TMEM63B: variants seen among roughly 807,000 people sequenced by gnomAD.
TMEM63B encodes transmembrane protein 63B.
A neutral mutation model predicts 102.6 loss-of-function variants in TMEM63B; 23 were observed. The observed-to-expected ratio is 0.22, with a 90% CI of 0.16 to 0.32. The LOEUF is 0.32. Among genes scored for constraint, TMEM63B ranks in the 10% least tolerant of loss-of-function variants. TMEM63B has a pLI of 1.00. For missense variants in TMEM63B, 628 were observed against 1,095.9 expected (o/e 0.57, Z 6.03); for synonymous variants, 444 against 437.0 (o/e 1.02, Z -0.20).
chr6:44,154,757 C>T lies in TMEM63B; in HGVS notation c.2373C>T (p.Ser791=), dbSNP rs1170913512. Residue 791 remains serine (S), a synonymous_variant, in exon 24 of 24, where the codon AGC becomes AGT. Coordinates refer to ENST00000323267, the MANE Select transcript of TMEM63B (RefSeq NM_018426.3). ...GGGATGGGGATGGGGCTCCTGGGAG[C>T]TCAGGGGATGAGCCCCCATCATCCT... The part of the protein sequence containing the change: ...VDGDGDGAPG[S]SGDEPPSSSS... The T allele has an allele frequency of 1.2e-6, 2 of 1,604,684 alleles. No individual in the cohort carries two copies. The highest frequency in any genetic ancestry group is 1.3e-5 in the African/African-American group (1 of 74,632).
chr6:44,138,176 GC>G (rs754842257), intron 5 of TMEM63B, among the ~76,000 whole-genome samples: 2 of 151,928 alleles, frequency 1.3e-5, no homozygotes, highest in Non-Finnish European at 2.9e-5. Context: ...AGAACCCCAA[GC>G]CCCACCCATC....
chr6:44,149,043 C>T (rs751480824), intron 15 of TMEM63B, 98 bp downstream of exon 15: 2 of 1,579,300 alleles, frequency 1.3e-6, no homozygotes, highest in Admixed American at 1.7e-5. Flanking sequence ...GCCCGTTCTG[C>T]TTGTTCCAAC....
rs191287272 is a variant in TMEM63B, at chr6:44,135,681, C to T, written c.278+315C>T. On this transcript the variant is annotated intron_variant, in intron 4 of 23. Coordinates refer to ENST00000323267, the MANE Select transcript of TMEM63B (RefSeq NM_018426.3). ...CTCCAGGAAATCCTCAGCACAATCACGTAGAGACAAGATTGGGTGTCACCA... is the reference window on the plus strand; with the variant it reads ...CTCCAGGAAATCCTCAGCACAATCATGTAGAGACAAGATTGGGTGTCACCA... Among the ~76,000 whole-genome samples, 23 of 152,294 alleles carry T rather than the reference C, an allele frequency of 1.5e-4. No individual in the cohort carries two copies. In the East Asian group the frequency reaches 1.5e-3, roughly 10 times the overall value.
chr6:44,144,054 A>G (rs181736465), intron 10 of TMEM63B, among the ~76,000 whole-genome samples: 2 of 152,352 alleles, frequency 1.3e-5, no homozygotes, highest in East Asian at 3.9e-4. Flanking sequence ...AGGTCAGCCT[A>G]TAAGCAGGGG....
chr6:44,126,857 T>TG (rs1562104943), upstream of TMEM63B: 1 of 152,202 alleles, frequency 6.6e-6, no homozygotes, highest in Non-Finnish European at 1.5e-5. Flanking sequence ...CCCCCTGGCC[T>TG]GGGGGAGGGC....
chr6:44,147,279 A>G, intron 11 of TMEM63B, 98 bp from the exon 12 acceptor site: 1 of 1,588,916 alleles, frequency 6.3e-7, no homozygotes, highest in Non-Finnish European at 8.6e-7. Context: ...CTAAACAAGA[A>G]CAAGACAGCT....
chr6:44,127,734 A>G (rs1383988778), intron 1 of TMEM63B, 56 bp downstream of exon 1: 1 of 145,906 alleles, frequency 6.9e-6, no homozygotes, highest in Admixed American at 6.8e-5. Flanking sequence ...TCCCACCACC[A>G]CCCAAAGAAA....
At position 44,150,140 on chromosome 6, in the gene TMEM63B, C is replaced by A; in HGVS notation, c.1521-84C>A. On this transcript the variant is annotated intron_variant, in intron 16 of 23. Coordinates refer to ENST00000323267, the MANE Select transcript of TMEM63B (RefSeq NM_018426.3). The surrounding 1 kb of genome is among the most constrained non-coding windows in gnomAD (Gnocchi z 4.7). The stretch of plus-strand genomic sequence containing the variant: ...AGGCCCACCCTTCCCAGGGGACACT[C>A]CTTGGACATTGTCCTTGTTGGGGGA... The A allele has an allele frequency of 6.9e-7, 1 of 1,454,700 alleles. No homozygotes were observed. Among genetic ancestry groups the A allele is most frequent in the East Asian group, 2.3e-5 (1 of 43,796 alleles). 90.1% of individuals were successfully genotyped at this position (1,454,700 alleles called of 1,614,324 possible).
intron 2 of TMEM63B, 81 bp downstream of exon 2, chr6:44,134,824 C>G: frequency 6.7e-7 from 1 of 1,495,302 alleles, no homozygotes; most frequent in Non-Finnish European, 8.9e-7. Flanking sequence ...TAACCACTCT[C>G]CCACCTGCCC....
intron 10 of TMEM63B, among the ~76,000 whole-genome samples, chr6:44,143,493 A>C (rs1188126175): frequency 6.6e-6 from 1 of 152,122 alleles, no homozygotes; most frequent in Non-Finnish European, 1.5e-5. Context: ...CTTTTGTAAC[A>C]ATGAATTAGG....
rs1385294489 is a variant in TMEM63B at position 44,148,246 on chromosome 6, A to G, written c.988-6A>G. 6.2e-7 allele frequency: 1 copy of G among 1,614,008 alleles called. No homozygotes were observed. The highest frequency in any genetic ancestry group is 8.5e-7 in the Non-Finnish European group (1 of 1,180,008). ...TAGAGGCCCTGTCCCTAACCCTCCC[A>G]CAAAGGTGGAGGCCATTGAGTACTA... On this transcript the variant is annotated splice_polypyrimidine_tract_variant and splice_region_variant and intron_variant, in intron 12 of 23. Coordinates refer to ENST00000323267, the MANE Select transcript of TMEM63B (RefSeq NM_018426.3). This position sits in a 1 kb window ranked among gnomAD's most constrained non-coding sequence, Gnocchi z 5.1.
rs1767751401 is a variant in TMEM63B at position 44,155,038 on chromosome 6, C to CT, written c.*155_*156insT. 1.4e-6 allele frequency: 1 copy of CT among 722,814 alleles called. No homozygotes were observed. Among genetic ancestry groups the CT allele is most frequent in the Non-Finnish European group, 2.1e-6 (1 of 486,876 alleles). The allele number at this position is 722,814 out of a possible 1,614,324, so 44.8% of individuals were successfully genotyped here. A position where few individuals can be genotyped will look rare whatever the true frequency, so the allele number is the denominator to read the frequency against. On this transcript the variant is annotated 3_prime_UTR_variant, in exon 24 of 24. Coordinates refer to ENST00000323267, the MANE Select transcript of TMEM63B (RefSeq NM_018426.3). ...AAACTTGGGGGTTTCACTGCTCTCC[C>CT]CCATGATGGAGGGAGGGAGCCCCCC...
chr6:44,154,605 C>A (rs1767638893), intron 23 of TMEM63B, 87 bp from the exon 24 acceptor site: 2 of 1,474,550 alleles, frequency 1.4e-6, no homozygotes, highest in East Asian at 2.3e-5. Context: ...AGGGCCCTGC[C>A]CACTCTGCTG....
At position 44,151,940 on chromosome 6, in the gene TMEM63B, G is replaced by A. The variant is rs1766727459; in HGVS notation, c.1768G>A (p.Gly590Ser). The change falls in exon 19 of 24, where the codon GGC becomes AGC. Residue 590 changes from glycine to serine, a missense_variant. By Grantham distance (56) the Gly-to-Ser change is moderately conservative. This residue lies in a region of TMEM63B where 90 missense variants were observed against 136.7 expected (regional missense o/e 0.66). Coordinates refer to ENST00000323267, the MANE Select transcript of TMEM63B (RefSeq NM_018426.3). ...GNAMDLLRIP[G>S]LLMYMIRLCL... is the part of the protein sequence containing the mutation. Reference sequence around the variant, plus strand: ...CGCCATGGACCTGCTGCGCATCCCAGGCCTGCTCATGTACATGATCCGGCT... The same window carrying A: ...CGCCATGGACCTGCTGCGCATCCCAAGCCTGCTCATGTACATGATCCGGCT... The A allele has an allele frequency of 1.2e-6, 2 of 1,613,508 alleles. No homozygotes were observed. Among genetic ancestry groups the A allele is most frequent in the African/African-American group, 1.3e-5 (1 of 74,908 alleles).
At chr6:44,138,735 G>GTCCCCCC in intron 6 of TMEM63B, 1 of 259,582 alleles carries the variant, frequency 3.9e-6, no homozygotes, top group Non-Finnish European at 7.4e-6. Context: ...ACCCCCTGCC[G>GTCCCCCC]GCCCCCCCGC....
rs140168332 is a variant in TMEM63B at position 44,133,755 on chromosome 6, C to G, written c.-24-806C>G. Among the ~76,000 whole-genome samples, 8 of 152,388 alleles carry G rather than the reference C, an allele frequency of 5.2e-5. No homozygotes were observed. In the East Asian group the frequency reaches 5.8e-4, roughly 11 times the overall value. On this transcript the variant is annotated intron_variant, in intron 1 of 23. Coordinates refer to ENST00000323267, the MANE Select transcript of TMEM63B (RefSeq NM_018426.3). The stretch of plus-strand genomic sequence containing the variant: ...GCTAAGAGGCCCCCACCCACTCCCC[C>G]CTCCTTTGCCAGTGGAAAAGCTTGC...
intron 8 of TMEM63B, 34 bp downstream of exon 8, chr6:44,139,793 C>G (rs1478187284): frequency 1.2e-6 from 2 of 1,613,688 alleles, no homozygotes; most frequent in African/African-American, 1.3e-5. Flanking sequence ...AGGCCAAGGT[C>G]TACGACCAGA....
intron 21 of TMEM63B, 61 bp downstream of exon 21, chr6:44,153,904 G>C (rs1047052760): frequency 6.3e-7 from 1 of 1,585,864 alleles, no homozygotes; most frequent in Admixed American, 1.7e-5. Context: ...AGCCAGAGCA[G>C]GCCACAGGAG....
rs568551408 is a variant in TMEM63B, at chr6:44,154,763, G to T, written c.2379G>T (p.Gly793=). 6.2e-7 allele frequency: 1 copy of T among 1,606,908 alleles called. No homozygotes were observed. Among genetic ancestry groups the T allele is most frequent in the African/African-American group, 1.3e-5 (1 of 74,708 alleles). Residue 793 remains glycine (G), a synonymous_variant, in exon 24 of 24, where the codon GGG becomes GGT. Transcript: ENST00000323267. ...GGGATGGGGCTCCTGGGAGCTCAGG[G>T]GATGAGCCCCCATCATCCTCATCCC... is the stretch of plus-strand genomic sequence containing the variant. ...GDGDGAPGSS[G]DEPPSSSSQD...
Sources: allele counts gnomAD v4.1 joint callset (sites outside exome capture counted in the v4.1 genomes callset), GRCh38; gene constraint gnomAD v4.1.1; regional missense constraint gnomAD v4.1.1; non-coding constraint Gnocchi (gnomAD v3.1); transcripts MANE v1.5; gene names NCBI Gene and HGNC (gene_info 2026-07-23, HGNC 2026-07-21).